Variants in AFG3L2 observed in about 807,000 individuals in gnomAD.
AFG3L2 encodes AFG3 like matrix AAA peptidase subunit 2.
Under a neutral mutation model 94.5 loss-of-function variants are expected in AFG3L2, and 54 were observed. The ratio of observed to expected loss-of-function variants is 0.57; its 90% confidence interval spans 0.46 to 0.72. The LOEUF (loss-of-function observed/expected upper bound fraction) is 0.72, where lower values mean the gene tolerates loss of function less well. AFG3L2 is among the 30% of genes least tolerant of loss of function. The pLI, the probability that AFG3L2 is intolerant of heterozygous loss-of-function variation, is 0.00. For synonymous variants in AFG3L2, 377 were observed against 365.5 expected, an observed-to-expected ratio of 1.03 and a Z score of -0.36; for missense variants, 754 against 994.9, an observed-to-expected ratio of 0.76 and a Z score of 3.26.
chr18:12,344,469 G>C (rs1294052960), intron 13 of AFG3L2: 1 of 514,394 alleles, frequency 1.9e-6, no homozygotes, highest in East Asian at 3.8e-5. Flanking sequence ...GAGGTGAGGA[G>C]TTCGAGACCA....
At chr18:12,347,176 A>T (rs1319720135) in intron 13 of AFG3L2, among the ~76,000 whole-genome samples, 4 of 152,194 alleles carry the variant, frequency 2.6e-5, no homozygotes, top group Non-Finnish European at 5.9e-5. Context: ...ACCCACCTTA[A>T]TTCAACACTG....
At chr18:12,353,612 TAA>T (rs1431172453) in intron 9 of AFG3L2, among the ~76,000 whole-genome samples, 4 of 151,996 alleles carry the variant, frequency 2.6e-5, no homozygotes, top group Non-Finnish European at 4.4e-5. Flanking sequence ...GTACATTTTT[TAA>T]AAGAGTTACA....
chr18:12,371,339 C>T (rs550476779), intron 2 of AFG3L2, among the ~76,000 whole-genome samples: 5 of 149,476 alleles, frequency 3.3e-5, no homozygotes, highest in South Asian at 2.1e-4. Flanking sequence ...AAAGCACAAG[C>T]TAAAAGCATA....
At chr18:12,350,916 C>G (rs189138750) in intron 12 of AFG3L2, among the ~76,000 whole-genome samples, 169 bp downstream of exon 12, 17 of 152,254 alleles carry the variant, frequency 1.1e-4, no homozygotes, top group African/African-American at 4.1e-4. Context: ...CCACTCAGTC[C>G]ATCCTGTGCA....
intron 2 of AFG3L2, 83 bp downstream of exon 2, chr18:12,371,509 G>T: frequency 9.6e-7 from 1 of 1,037,922 alleles, no homozygotes; most frequent in Non-Finnish European, 1.5e-6. Flanking sequence ...GACATAAGTT[G>T]GAGGCAGGGG....
intron 16 of AFG3L2, among the ~76,000 whole-genome samples, chr18:12,333,850 G>A (rs1012562628): frequency 1.3e-5 from 2 of 152,190 alleles, no homozygotes; most frequent in Non-Finnish European, 2.9e-5. Flanking sequence ...TCAGGGAGAG[G>A]GGAACGACCA....
rs1308467906 is a variant in AFG3L2 at position 12,370,874 on chromosome 18, A to C, written c.267T>G (p.Pro89=). 2 of 1,588,712 alleles carry C rather than the reference A, an allele frequency of 1.3e-6. No individual in the cohort carries two copies. Among genetic ancestry groups the C allele is most frequent in the Non-Finnish European group, 1.7e-6 (2 of 1,159,674 alleles). ...CTTTTTTCTCTCCCATAACTTCTTT[A>C]GGTTCACTAGCTTTTTTTCCATTTT... The part of the protein sequence containing the change: ...NGKNGKKASE[P]KEVMGEKKES... The change falls in exon 3 of 17, where the codon CCT becomes CCG. Residue 89 remains proline (P), a synonymous_variant. Transcript: ENST00000269143.
Position 12,377,031 on chromosome 18 carries a change from C to T in AFG3L2, c.52G>A (p.Gly18Ser). 1 of 1,443,476 alleles carries T rather than the reference C, an allele frequency of 6.9e-7. No individual in the cohort carries two copies. The highest frequency in any genetic ancestry group is 1.4e-5 in the South Asian group (1 of 73,972). The allele number at this position is 1,443,476 out of a possible 1,614,324, so 89.4% of individuals were successfully genotyped here. A position where few individuals can be genotyped will look rare whatever the true frequency, so the allele number is the denominator to read the frequency against. The change falls in exon 1 of 17, where the codon GGC becomes AGC. Residue 18 changes from glycine to serine, a missense_variant. Gly to Ser is a moderately conservative substitution (Grantham distance 56). Around this residue, in one of 4 missense-constraint regions of AFG3L2, gnomAD observed 236 missense variants for 214.0 expected, o/e 1.10. Transcript: ENST00000269143. ...LWGRGGCWPRGLQQLLVPGGV... is the reference protein window; with the variant it reads ...LWGRGGCWPRSLQQLLVPGGV... ...CCAGGCACGAGGAGCTGCTGTAGGC[C>T]GCGGGGCCAGCAGCCGCCCCGGCCC...
chr18:12,344,330 G>C (rs1908055681), intron 13 of AFG3L2, 83 bp from the exon 14 acceptor site: 1 of 1,160,990 alleles, frequency 8.6e-7, no homozygotes, highest in Admixed American at 1.8e-5. Flanking sequence ...GCTATACATT[G>C]CCTTACCTAA....
chr18:12,377,049 C>A lies in AFG3L2; in HGVS notation c.34G>T (p.Gly12Cys). The A allele has an allele frequency of 2.1e-6, 3 of 1,436,656 alleles. No individual in the cohort carries two copies. Among genetic ancestry groups the A allele is most frequent in the Non-Finnish European group, 2.7e-6 (3 of 1,096,528 alleles). The allele number at this position is 1,436,656 out of a possible 1,614,324, so 89.0% of individuals were successfully genotyped here. The change falls in exon 1 of 17, where the codon GGC (glycine) becomes TGC (cysteine). Residue 12 changes from glycine to cysteine, a missense_variant. Transcript: ENST00000269143. ...TGTAGGCCGCGGGGCCAGCAGCCGC[C>A]CCGGCCCCACAGCCGCAAACAGCGG... is the stretch of plus-strand genomic sequence containing the variant. ...AHRCLRLWGR[G>C]GCWPRGLQQL...
intron 9 of AFG3L2, 22 bp from the exon 10 acceptor site, chr18:12,353,180 G>C (rs941690280): frequency 3.1e-6 from 5 of 1,613,342 alleles, no homozygotes; most frequent in Non-Finnish European, 4.2e-6. Flanking sequence ...CAGAAAGAGA[G>C]TCACCTGACC....
At chr18:12,333,249 AATAT>A (rs1907634131) in intron 16 of AFG3L2, among the ~76,000 whole-genome samples, 1 of 127,140 alleles carries the variant, frequency 7.9e-6, no homozygotes, top group African/African-American at 3.0e-5. Context: ...TAATTATATA[AATAT>A]ATAGATTATA....
intron 6 of AFG3L2, among the ~76,000 whole-genome samples, chr18:12,361,370 C>T (rs992472114): frequency 1.3e-5 from 2 of 151,664 alleles, no homozygotes; most frequent in Non-Finnish European, 2.9e-5. Context: ...AAAACAAGGC[C>T]GGGTGCAGTG....
chr18:12,343,619 T>C (rs1908025247), intron 14 of AFG3L2: 1 of 162,274 alleles, frequency 6.2e-6, no homozygotes, highest in South Asian at 1.7e-4. Context: ...TTCTCTGGGA[T>C]TGCCACTGTG....
At position 12,344,413 on chromosome 18, in the gene AFG3L2, G is replaced by C; in HGVS notation, c.1664-166C>G. 7.7e-6 allele frequency: 5 copies of C among 646,106 alleles called. No individual in the cohort carries two copies. The South Asian group carries it at 8.0e-5, about 10-fold the overall frequency. 40.0% of individuals were successfully genotyped at this position (646,106 alleles called of 1,614,324 possible). ...ATCAAGGCCAGGCGCAGTGGCTCATGCCTGTAATCCCAGCACTTTGGGAGG... is the reference window on the plus strand; with the variant it reads ...ATCAAGGCCAGGCGCAGTGGCTCATCCCTGTAATCCCAGCACTTTGGGAGG... On this transcript the variant is annotated intron_variant, in intron 13 of 16. Coordinates refer to ENST00000269143, the MANE Select transcript of AFG3L2 (RefSeq NM_006796.3).
intron 16 of AFG3L2, among the ~76,000 whole-genome samples, chr18:12,336,572 G>C (rs905194268): frequency 6.6e-6 from 1 of 152,192 alleles, no homozygotes; most frequent in Admixed American, 6.5e-5. Context: ...AGCTCTGCAT[G>C]AATTAAGCTC....
chr18:12,350,795 A>G (rs965852882), intron 12 of AFG3L2, among the ~76,000 whole-genome samples: 3 of 152,196 alleles, frequency 2.0e-5, no homozygotes, highest in Admixed American at 2.0e-4. Flanking sequence ...ACAAAATCAA[A>G]AAATTAGCTG....
In AFG3L2 at chr18:12,377,125, G is replaced by T; in HGVS notation, c.-43C>A. The T allele has an allele frequency of 7.6e-7, 1 of 1,322,910 alleles. No homozygotes were observed. Among genetic ancestry groups the T allele is most frequent in the Non-Finnish European group, 9.8e-7 (1 of 1,017,228 alleles). 81.9% of individuals were successfully genotyped at this position (1,322,910 alleles called of 1,614,324 possible). On this transcript the variant is annotated 5_prime_UTR_variant, in exon 1 of 17. Coordinates refer to ENST00000269143, the MANE Select transcript of AFG3L2 (RefSeq NM_006796.3). ...TCTCGGCCCGGGACGCTGCGCAGGC[G>T]CGGGCAGGCGACGACTGGCGGCCTC...
intron 16 of AFG3L2, among the ~76,000 whole-genome samples, chr18:12,333,804 C>T (rs1568132590): frequency 6.6e-6 from 1 of 152,202 alleles, no homozygotes; most frequent in Non-Finnish European, 1.5e-5. Context: ...AAGTGCTCGG[C>T]AGCCCTCCGC....
Sources: gnomAD v4.1 joint callset for allele counts (sites outside exome capture counted in the v4.1 genomes callset) on GRCh38, gnomAD v4.1.1 for gene constraint, gnomAD v4.1.1 regional missense constraint, MANE v1.5 for transcripts, NCBI Gene and HGNC (gene_info 2026-07-23, HGNC 2026-07-21) for gene names.